The following BAZ2B variants were observed in gnomAD, a reference collection of about 807,000 sequenced individuals.
BAZ2B encodes the protein bromodomain adjacent to zinc finger domain protein 2B.
Under a neutral mutation model 246.0 loss-of-function variants are expected in BAZ2B, and 91 were observed. That is an observed-to-expected ratio of 0.37 (90% CI 0.31 to 0.44). The LOEUF is 0.44. BAZ2B is among the 20% of genes least tolerant of loss of function. The pLI, the probability that BAZ2B is intolerant of heterozygous loss-of-function variation, is 1.00. For missense variants in BAZ2B, 2,332 were observed against 2,533.7 expected, an observed-to-expected ratio of 0.92 and a Z score of 1.71; for synonymous variants, 855 against 860.0, an observed-to-expected ratio of 0.99 and a Z score of 0.10.
chr2:159,488,272 C>T (rs1279210080), intron 2 of BAZ2B, among the ~76,000 whole-genome samples: 1 of 151,996 alleles, frequency 6.6e-6, no homozygotes, highest in Non-Finnish European at 1.5e-5. Flanking sequence ...AGGATTTCAC[C>T]ATGTTGCCCA....
At chr2:159,617,859 G>C (rs758451563), upstream of BAZ2B, among the ~76,000 whole-genome samples, 16 of 152,084 alleles carry the variant, frequency 1.1e-4, no homozygotes, top group Non-Finnish European at 1.9e-4. Flanking sequence ...CATAATAAGT[G>C]CAAGTACAAT....
intron 1 of BAZ2B, among the ~76,000 whole-genome samples, chr2:159,575,140 T>A (rs1210568102): frequency 1.3e-5 from 2 of 151,934 alleles, no homozygotes; most frequent in Non-Finnish European, 2.9e-5. Context: ...GGCAAATCCA[T>A]AGAGAGAGAA....
At chr2:159,362,084 A>G (rs553818080) in intron 27 of BAZ2B, among the ~76,000 whole-genome samples, 22 of 152,306 alleles carry the variant, frequency 1.4e-4, no homozygotes, top group Admixed American at 1.2e-3. Context: ...CTACACTTGT[A>G]TCTCAGAACT....
intron 3 of BAZ2B, chr2:159,464,489 T>C (rs961768614): frequency 3.9e-5 from 6 of 152,178 alleles, no homozygotes; most frequent in African/African-American, 1.4e-4. Flanking sequence ...ATAATGTTGC[T>C]ATGTAGTTCT....
At chr2:159,612,959 G>A (rs1032216525) in intron 1 of BAZ2B, among the ~76,000 whole-genome samples, 1 of 152,080 alleles carries the variant, frequency 6.6e-6, no homozygotes, top group African/African-American at 2.4e-5. Context: ...CATTTTAAAT[G>A]AATGGCTTAT....
At chr2:159,400,999 T>C (rs572058020) in intron 16 of BAZ2B, among the ~76,000 whole-genome samples, 20 of 151,960 alleles carry the variant, frequency 1.3e-4, no homozygotes, top group East Asian at 7.7e-4. Flanking sequence ...AGCCAAGATG[T>C]GCCACTGCAC....
At chr2:159,688,405 A>G in the BAZ2B span, among the ~76,000 whole-genome samples, 1 of 152,222 alleles carries the variant, frequency 6.6e-6, no homozygotes, top group Non-Finnish European at 1.5e-5. Flanking sequence ...ACGTTTTGCC[A>G]CATTTAACTT....
At chr2:159,475,002 T>A (rs2078329874) in intron 3 of BAZ2B, among the ~76,000 whole-genome samples, 1 of 152,224 alleles carries the variant, frequency 6.6e-6, no homozygotes, top group Non-Finnish European at 1.5e-5. Context: ...TTTCTTTCAT[T>A]TCAACCTTGG....
In BAZ2B at chr2:159,589,805, T is replaced by C. The variant is rs891794810; in HGVS notation, c.-46+26437A>G. 5.9e-5 allele frequency among the ~76,000 whole-genome samples: 9 copies of C among 152,254 alleles called. No individual in the cohort carries two copies. In the Middle Eastern group the frequency reaches 0.017, roughly 288 times the overall value. ...TTTACTGATTGGAAACACAAAATAGTTCTAAGACCATCAACATATAAGACA... is the reference window on the plus strand; with the variant it reads ...TTTACTGATTGGAAACACAAAATAGCTCTAAGACCATCAACATATAAGACA... On this transcript the variant is annotated intron_variant, in intron 1 of 36. Coordinates refer to ENST00000392783, the MANE Select transcript of BAZ2B (RefSeq NM_013450.4).
At chr2:159,604,572 A>C (rs184250375) in intron 1 of BAZ2B, among the ~76,000 whole-genome samples, 2 of 152,328 alleles carry the variant, frequency 1.3e-5, no homozygotes, top group East Asian at 3.9e-4. Context: ...ATATTTAATA[A>C]AATTAGTATT....
At chr2:159,594,692 C>T (rs1206172640) in intron 1 of BAZ2B, among the ~76,000 whole-genome samples, 3 of 151,504 alleles carry the variant, frequency 2.0e-5, no homozygotes, top group Admixed American at 6.6e-5. Context: ...AGTGCAGTGG[C>T]GTGATTATGG....
At chr2:159,400,341 G>A (rs1000590767) in intron 17 of BAZ2B, among the ~76,000 whole-genome samples, 6 of 151,976 alleles carry the variant, frequency 3.9e-5, no homozygotes, top group African/African-American at 9.7e-5. Context: ...ACATTTTAGC[G>A]CATGAACTTT....
intron 8 of BAZ2B, chr2:159,434,655 T>G (rs148620988): frequency 2.0e-5 from 3 of 152,062 alleles, no homozygotes; most frequent in African/African-American, 7.2e-5. Context: ...GTGCTTGATA[T>G]GTACTCAAAA....
intron 1 of BAZ2B, among the ~76,000 whole-genome samples, chr2:159,594,994 C>T (rs1426190368): frequency 6.6e-6 from 1 of 152,120 alleles, no homozygotes; most frequent in African/African-American, 2.4e-5. Flanking sequence ...AGATAATTTT[C>T]AAATCTTTAG....
At position 159,614,440 on chromosome 2, in the gene BAZ2B, A is replaced by C. The variant is rs980314008; in HGVS notation, c.-46+1802T>G. 2.0e-5 allele frequency among the ~76,000 whole-genome samples: 3 copies of C among 152,280 alleles called. No individual in the cohort carries two copies. The South Asian group carries it at 6.2e-4, about 32-fold the overall frequency. On this transcript the variant is annotated intron_variant, in intron 1 of 36. Transcript: ENST00000392783. ...GTATTTTCCATAGTCATTTCTTTTCAAAATGTAAATAAATAATAGAAAAAG... is the reference window on the plus strand; with the variant it reads ...GTATTTTCCATAGTCATTTCTTTTCCAAATGTAAATAAATAATAGAAAAAG...
chr2:159,515,182 TACTACA>T (rs1179743449), intron 2 of BAZ2B, among the ~76,000 whole-genome samples: 2 of 152,018 alleles, frequency 1.3e-5, no homozygotes, highest in East Asian at 3.8e-4. Context: ...TTAAACATCT[TACTACA>T]TAGATCACCT....
intron 2 of BAZ2B, among the ~76,000 whole-genome samples, chr2:159,529,464 G>A (rs1486482297): frequency 6.6e-6 from 1 of 152,090 alleles, no homozygotes; most frequent in Non-Finnish European, 1.5e-5. Context: ...CAGTATCGTG[G>A]CATTTACTGT....
chr2:159,476,677 T>C (rs901118626), intron 3 of BAZ2B, among the ~76,000 whole-genome samples: 3 of 152,222 alleles, frequency 2.0e-5, no homozygotes, highest in African/African-American at 7.2e-5. Context: ...AAGACATTTC[T>C]TTAGGAATAC....
intron 14 of BAZ2B, among the ~76,000 whole-genome samples, chr2:159,406,778 C>T (rs931650840): frequency 9.3e-5 from 14 of 151,340 alleles, no homozygotes; most frequent in African/African-American, 3.4e-4. Flanking sequence ...TTTTTTGAAA[C>T]GGAGTCTTGC....
Sources: gnomAD v4.1 joint callset for allele counts (sites outside exome capture counted in the v4.1 genomes callset) on GRCh38, gnomAD v4.1.1 for gene constraint, MANE v1.5 for transcripts, NCBI Gene and HGNC (gene_info 2026-07-23, HGNC 2026-07-21) for gene names.